SDK1: variants seen among roughly 807,000 people sequenced by gnomAD.
SDK1 encodes sidekick cell adhesion molecule 1, also known as protein sidekick-1.
SDK1 carries 157 observed loss-of-function variants against 245.5 expected under a neutral mutation model. That is an observed-to-expected ratio of 0.64 (90% CI 0.56 to 0.73). The LOEUF is 0.73. Ranked by LOEUF, SDK1 falls within the 30% of genes least tolerant of loss-of-function variation. The probability of loss-of-function intolerance (pLI) is 0.00; values close to 1 mark genes in which losing one functional copy is unlikely to be tolerated. For missense variants in SDK1, 3,583 were observed against 3,002.3 expected, an observed-to-expected ratio of 1.19 and a Z score of -4.52; for synonymous variants, 1,647 against 1,278.5, an observed-to-expected ratio of 1.29 and a Z score of -6.15.
At chr7:4,017,744 GTTTTA>G (rs1786531238) in intron 17 of SDK1, among the ~76,000 whole-genome samples, 1 of 152,174 alleles carries the variant, frequency 6.6e-6, no homozygotes, top group Non-Finnish European at 1.5e-5. Context: ...ATTATTCACA[GTTTTA>G]TTTTTAACGA....
At chr7:3,751,824 A>AC (rs1277752486) in intron 4 of SDK1, among the ~76,000 whole-genome samples, 3 of 151,946 alleles carry the variant, frequency 2.0e-5, no homozygotes, top group East Asian at 3.9e-4. Flanking sequence ...TCCTCTGAGG[A>AC]CCGCTCCCTT....
At chr7:4,117,512 G>C (rs538902361) in intron 25 of SDK1, among the ~76,000 whole-genome samples, 56 of 152,294 alleles carry the variant, frequency 3.7e-4, no homozygotes, top group Non-Finnish European at 6.6e-4. Context: ...ACACTCATAA[G>C]AAAAACAGGG....
chr7:4,142,608 T>A (rs1427101162), intron 28 of SDK1, among the ~76,000 whole-genome samples: 1 of 152,198 alleles, frequency 6.6e-6, no homozygotes, highest in Non-Finnish European at 1.5e-5. Flanking sequence ...ATTACAGCCA[T>A]GAGCCACTGT....
At chr7:4,120,258 T>G (rs1227309669) in intron 25 of SDK1, among the ~76,000 whole-genome samples, 1 of 149,056 alleles carries the variant, frequency 6.7e-6, no homozygotes, top group Non-Finnish European at 1.5e-5. Context: ...AAAGCATTAT[T>G]TACAAGACTG....
intron 4 of SDK1, among the ~76,000 whole-genome samples, chr7:3,819,236 T>A (rs1370653915): frequency 7.9e-5 from 12 of 151,974 alleles, no homozygotes; most frequent in Admixed American, 7.9e-4. Flanking sequence ...AGCAGTTTTT[T>A]TTTTTTCATG....
chr7:3,338,148 G>C (rs1030718940), intron 1 of SDK1: 2 of 219,920 alleles, frequency 9.1e-6, no homozygotes, highest in Non-Finnish European at 9.2e-6. Context: ...AAAGAGAAAA[G>C]GGAGAGGCAC....
intron 13 of SDK1, among the ~76,000 whole-genome samples, chr7:3,983,400 C>G (rs899937323): frequency 1.2e-4 from 19 of 152,184 alleles, no homozygotes; most frequent in African/African-American, 4.3e-4. Flanking sequence ...TCCGATCAGT[C>G]CACAGCCATC....
chr7:3,995,391 G>A (rs540235352), intron 14 of SDK1, among the ~76,000 whole-genome samples: 21 of 151,996 alleles, frequency 1.4e-4, no homozygotes, highest in Middle Eastern at 3.4e-3. Flanking sequence ...CCCTGGGAGC[G>A]CTGTCCCCAT....
intron 1 of SDK1, among the ~76,000 whole-genome samples, chr7:3,604,249 G>A (rs918036389): frequency 2.0e-5 from 3 of 152,202 alleles, no homozygotes; most frequent in Admixed American, 6.5e-5. Context: ...AATAGTTTCA[G>A]AAGGATTGGT....
At chr7:3,350,817 G>GA (rs1241641007) in intron 1 of SDK1, among the ~76,000 whole-genome samples, 1 of 152,164 alleles carries the variant, frequency 6.6e-6, no homozygotes, top group East Asian at 1.9e-4. Flanking sequence ...GTGTGACACT[G>GA]AAAAAAATTA....
chr7:3,960,614 C>G (rs967140321), intron 8 of SDK1, among the ~76,000 whole-genome samples: 4 of 152,234 alleles, frequency 2.6e-5, no homozygotes, highest in African/African-American at 9.6e-5. Flanking sequence ...TTTGTAACCA[C>G]TGCTCCTGGC....
intron 1 of SDK1, among the ~76,000 whole-genome samples, chr7:3,337,479 AG>A (rs1780232854): frequency 6.6e-6 from 1 of 152,180 alleles, no homozygotes; most frequent in Non-Finnish European, 1.5e-5. Flanking sequence ...AAAAATCTGA[AG>A]AAATAATCTG....
At chr7:3,647,649 C>T (rs28740932) in intron 4 of SDK1, among the ~76,000 whole-genome samples, 28,739 of 151,920 alleles carry the variant, frequency 0.19, 3,050 homozygotes, top group South Asian at 0.27. Context: ...AGGCTGGTCT[C>T]GAACTCCTGA....
intron 22 of SDK1, among the ~76,000 whole-genome samples, chr7:4,110,272 C>T (rs1459359637): frequency 1.3e-5 from 2 of 152,132 alleles, no homozygotes; most frequent in African/African-American, 4.8e-5. Flanking sequence ...TGGTCCTGGC[C>T]AAGTCTTCCT....
chr7:3,555,016 A>G (rs1324720521), intron 1 of SDK1, among the ~76,000 whole-genome samples: 2 of 152,206 alleles, frequency 1.3e-5, no homozygotes, highest in Non-Finnish European at 2.9e-5. Flanking sequence ...ACCCAGGGCA[A>G]TCTATAGATT....
chr7:3,944,271 T>C (rs1244361262), intron 5 of SDK1, among the ~76,000 whole-genome samples: 1 of 152,230 alleles, frequency 6.6e-6, no homozygotes, highest in African/African-American at 2.4e-5. Context: ...ACAATCGTTA[T>C]CTTACTGGGT....
chr7:3,740,073 C>A (rs1346361605), intron 4 of SDK1, among the ~76,000 whole-genome samples: 1 of 152,154 alleles, frequency 6.6e-6, no homozygotes, highest in African/African-American at 2.4e-5. Flanking sequence ...AGGGATAAAT[C>A]TCCAAGCCTT....
At chr7:3,550,177 G>A (rs1157474588) in intron 1 of SDK1, among the ~76,000 whole-genome samples, 1 of 151,982 alleles carries the variant, frequency 6.6e-6, no homozygotes, top group Admixed American at 6.5e-5. Flanking sequence ...ATTTACATAT[G>A]TATATCTTAT....
intron 5 of SDK1, among the ~76,000 whole-genome samples, chr7:3,888,319 C>T (rs1386003143): frequency 6.6e-6 from 1 of 152,208 alleles, no homozygotes; most frequent in Non-Finnish European, 1.5e-5. Context: ...TCCCATCCCA[C>T]AGTCTGGCCC....
Sources: gnomAD v4.1 joint callset for allele counts (sites outside exome capture counted in the v4.1 genomes callset) on GRCh38, gnomAD v4.1.1 for gene constraint, MANE v1.5 for transcripts, NCBI Gene and HGNC (gene_info 2026-07-23, HGNC 2026-07-21) for gene names.